Variants in KHDRBS3 observed in about 807,000 individuals in gnomAD.
KHDRBS3 encodes the protein KH RNA binding domain containing, signal transduction associated 3.
Under a neutral mutation model 45.6 loss-of-function variants are expected in KHDRBS3, and 23 were observed. The observed-to-expected ratio is 0.50, with a 90% CI of 0.36 to 0.72. The LOEUF is 0.72. Ranked by LOEUF, KHDRBS3 falls within the 30% of genes least tolerant of loss-of-function variation. KHDRBS3 has a pLI of 0.00. For missense variants in KHDRBS3, 352 were observed against 424.8 expected, an observed-to-expected ratio of 0.83 and a Z score of 1.51; for synonymous variants, 162 against 156.5, an observed-to-expected ratio of 1.04 and a Z score of -0.26.
intron 2 of KHDRBS3, among the ~76,000 whole-genome samples, chr8:135,526,188 C>T (rs1441387241): frequency 6.6e-6 from 1 of 151,938 alleles, no homozygotes; most frequent in Admixed American, 6.6e-5. Flanking sequence ...AATCACCTGA[C>T]AATGCATTTC....
intron 3 of KHDRBS3, among the ~76,000 whole-genome samples, chr8:135,546,471 G>T (rs1194900016): frequency 6.6e-6 from 1 of 152,168 alleles, no homozygotes; most frequent in Non-Finnish European, 1.5e-5. Context: ...AATCATGACA[G>T]TGCTCCGGTC....
chr8:135,654,834 C>A (rs929083265), intron 4 of KHDRBS3, among the ~76,000 whole-genome samples: 1 of 152,242 alleles, frequency 6.6e-6, no homozygotes, highest in Admixed American at 6.5e-5. Flanking sequence ...CTAGCACTCC[C>A]CTGCACGGGC....
chr8:135,569,446 G>A (rs1274770363), intron 5 of KHDRBS3, among the ~76,000 whole-genome samples: 2 of 152,120 alleles, frequency 1.3e-5, no homozygotes, highest in Non-Finnish European at 2.9e-5. Context: ...GTAACGACCA[G>A]GTAAGAGGTT....
chr8:135,624,489 C>T (rs893343893), intron 7 of KHDRBS3, among the ~76,000 whole-genome samples: 14 of 152,132 alleles, frequency 9.2e-5, no homozygotes, highest in South Asian at 8.3e-4. Context: ...TAATGAAAAC[C>T]GAGCTCTTCA....
At chr8:135,607,102 C>T in intron 7 of KHDRBS3, 65 bp downstream of exon 7, 2 of 1,310,296 alleles carry the variant, frequency 1.5e-6, no homozygotes, top group Non-Finnish European at 2.2e-6. Context: ...TTCATATATT[C>T]TGGGAAAAGT....
At chr8:135,513,313 C>T (rs1048812916) in intron 1 of KHDRBS3, among the ~76,000 whole-genome samples, 14 of 152,140 alleles carry the variant, frequency 9.2e-5, no homozygotes, top group African/African-American at 3.1e-4. Context: ...CTAGTATAGG[C>T]ATGTACGGTA....
At chr8:135,575,271 A>C (rs1338707181) in intron 5 of KHDRBS3, among the ~76,000 whole-genome samples, 1 of 152,190 alleles carries the variant, frequency 6.6e-6, no homozygotes, top group Non-Finnish European at 1.5e-5. Context: ...AACCCAGTAG[A>C]AATATTACGT....
At chr8:135,628,879 T>G (rs1387579147) in intron 7 of KHDRBS3, among the ~76,000 whole-genome samples, 2 of 152,232 alleles carry the variant, frequency 1.3e-5, no homozygotes, top group East Asian at 3.8e-4. Flanking sequence ...AAGCAAGAAC[T>G]TTCTGGCAGA....
chr8:135,561,455 A>G (rs929026574), intron 5 of KHDRBS3, among the ~76,000 whole-genome samples: 5 of 152,056 alleles, frequency 3.3e-5, no homozygotes, highest in African/African-American at 1.2e-4. Flanking sequence ...AGCCGGGTGG[A>G]ATCCAGGCAG....
At chr8:135,494,977 T>G (rs1823361654) in intron 1 of KHDRBS3, among the ~76,000 whole-genome samples, 1 of 152,204 alleles carries the variant, frequency 6.6e-6, no homozygotes, top group South Asian at 2.1e-4. Context: ...GTTGTTGTTG[T>G]TTATCTAATC....
chr8:135,650,137 C>T (rs1305049230), downstream of KHDRBS3, among the ~76,000 whole-genome samples: 4 of 152,136 alleles, frequency 2.6e-5, no homozygotes, highest in African/African-American at 9.7e-5. Context: ...AACATGAGCT[C>T]CATACTGGAC....
downstream of KHDRBS3, among the ~76,000 whole-genome samples, chr8:135,650,129 C>G (rs965189190): frequency 6.6e-6 from 1 of 152,168 alleles, no homozygotes; most frequent in African/African-American, 2.4e-5. Flanking sequence ...ATATATGGAA[C>G]ATGAGCTCCA....
At chr8:135,500,780 C>T (rs1237787187) in intron 1 of KHDRBS3, among the ~76,000 whole-genome samples, 1 of 152,104 alleles carries the variant, frequency 6.6e-6, no homozygotes, top group Non-Finnish European at 1.5e-5. Context: ...GGCATTTAGC[C>T]ACGAGTAAGA....
chr8:135,557,481 C>T lies in KHDRBS3; in HGVS notation c.505C>T (p.Gln169Ter). ...TGATGAGATCAGGCAAGCACAGCTC[C>T]AGGAGTTAACATATTTGAATGGTGG... Reference protein sequence around the residue: ...YNDEIRQAQLQELTYLNGGSE... With the variant: ...YNDEIRQAQL Residue 169 changes from glutamine (Q) to a stop codon, truncating the protein, a stop_gained, in exon 5 of 9, where the codon CAG becomes TAG. Transcript: ENST00000355849. LOFTEE classifies it high-confidence loss of function. 1 of 1,610,828 alleles carries T rather than the reference C, an allele frequency of 6.2e-7. No individual in the cohort carries two copies. Among genetic ancestry groups the T allele is most frequent in the Non-Finnish European group, 8.5e-7 (1 of 1,177,072 alleles).
chr8:135,513,922 C>T (rs933179639), intron 1 of KHDRBS3, among the ~76,000 whole-genome samples: 7 of 151,892 alleles, frequency 4.6e-5, no homozygotes, highest in African/African-American at 1.5e-4. Flanking sequence ...CTCCTTTGTA[C>T]TCACTTAACT....
At chr8:135,462,264 ATCAC>A (rs1320913310) in intron 1 of KHDRBS3, among the ~76,000 whole-genome samples, 2 of 149,060 alleles carry the variant, frequency 1.3e-5, no homozygotes, top group African/African-American at 5.0e-5. Flanking sequence ...AGAAAATGCG[ATCAC>A]TCACAGTGTT....
intron 4 of KHDRBS3, chr8:135,549,845 T>G (rs956700413): frequency 6.6e-6 from 1 of 152,182 alleles, no homozygotes; most frequent in African/African-American, 2.4e-5. Flanking sequence ...GATATTTAAA[T>G]CACTTTTGCC....
At chr8:135,655,799 A>G (rs1831521007) in intron 4 of KHDRBS3, among the ~76,000 whole-genome samples, 1 of 152,196 alleles carries the variant, frequency 6.6e-6, no homozygotes, top group Admixed American at 6.5e-5. Context: ...GTTTCGTATG[A>G]CACATCAAAA....
chr8:135,634,287 C>CTGTGGAGGG (rs1199242074), intron 7 of KHDRBS3, among the ~76,000 whole-genome samples: 1 of 152,210 alleles, frequency 6.6e-6, no homozygotes, highest in Non-Finnish European at 1.5e-5. Flanking sequence ...CCTCCCCTGT[C>CTGTGGAGGG]AGCACTGTGA....
Sources: allele counts gnomAD v4.1 joint callset (sites outside exome capture counted in the v4.1 genomes callset), GRCh38; gene constraint gnomAD v4.1.1; transcripts MANE v1.5; gene names NCBI Gene and HGNC (gene_info 2026-07-23, HGNC 2026-07-21).